RGS7: variants seen among roughly 807,000 people sequenced by gnomAD.
RGS7 encodes the protein regulator of G-protein signaling 7.
RGS7 carries 27 observed loss-of-function variants against 81.1 expected under a neutral mutation model. The ratio of observed to expected loss-of-function variants is 0.33; its 90% CI spans 0.25 to 0.46. The LOEUF is 0.46. Among genes scored for constraint, RGS7 ranks in the 20% least tolerant of loss-of-function variants. RGS7 has a pLI of 1.00. For missense variants in RGS7, 396 were observed against 607.4 expected (o/e 0.65, Z 3.66); for synonymous variants, 208 against 207.7 (o/e 1.00, Z -0.01).
intron 3 of RGS7, among the ~76,000 whole-genome samples, chr1:241,057,000 A>T (rs2061505294): frequency 6.6e-6 from 1 of 152,050 alleles, no homozygotes; most frequent in Non-Finnish European, 1.5e-5. Flanking sequence ...AGCTCTTGCC[A>T]ATATGTACAC....
chr1:241,267,697 C>A (rs1449251407), intron 2 of RGS7, among the ~76,000 whole-genome samples: 2 of 152,168 alleles, frequency 1.3e-5, no homozygotes, highest in African/African-American at 4.8e-5. Context: ...ACTCTCCAGG[C>A]AATTTCAACT....
intron 2 of RGS7, among the ~76,000 whole-genome samples, chr1:241,272,272 C>T (rs1176452138): frequency 2.0e-5 from 3 of 152,088 alleles, no homozygotes; most frequent in Admixed American, 6.5e-5. Flanking sequence ...GGATTACAGG[C>T]GTGAGCCACT....
chr1:241,034,297 CA>C (rs1172548125), intron 3 of RGS7, among the ~76,000 whole-genome samples: 1 of 152,174 alleles, frequency 6.6e-6, no homozygotes, highest in Admixed American at 6.5e-5. Context: ...TATATTTTCC[CA>C]AATGACTTTG....
intron 6 of RGS7, among the ~76,000 whole-genome samples, chr1:240,875,921 T>C (rs1432991007): frequency 6.6e-6 from 1 of 152,240 alleles, no homozygotes; most frequent in African/African-American, 2.4e-5. Flanking sequence ...CAGGGTGATC[T>C]AGCTTGCCAC....
intron 4 of RGS7, among the ~76,000 whole-genome samples, chr1:240,960,217 C>CT (rs750366747): frequency 6.7e-4 from 6 of 8,956 alleles, no homozygotes; most frequent in African/African-American, 2.3e-3. Flanking sequence ...TCTTCTTCTT[C>CT]TTTTTTTTTT....
At chr1:241,240,033 G>A (rs1490831612) in intron 2 of RGS7, among the ~76,000 whole-genome samples, 2 of 152,138 alleles carry the variant, frequency 1.3e-5, no homozygotes, top group Non-Finnish European at 2.9e-5. Context: ...TATAGAAACA[G>A]AGACTGTCAG....
At chr1:241,324,162 C>T (rs568190728) in intron 2 of RGS7, among the ~76,000 whole-genome samples, 6 of 152,136 alleles carry the variant, frequency 3.9e-5, no homozygotes, top group South Asian at 2.1e-4. Flanking sequence ...CTTTTCCACA[C>T]GGGCATAGTA....
chr1:240,889,076 C>T (rs769004287), intron 6 of RGS7, among the ~76,000 whole-genome samples: 1 of 152,118 alleles, frequency 6.6e-6, no homozygotes, highest in African/African-American at 2.4e-5. Flanking sequence ...CTTGCCTCAG[C>T]GTCCCAAGCA....
chr1:241,007,650 GT>G (rs1239913822), intron 3 of RGS7, among the ~76,000 whole-genome samples: 2 of 152,154 alleles, frequency 1.3e-5, no homozygotes, highest in Non-Finnish European at 2.9e-5. Context: ...ATGAGTATGT[GT>G]ATTCCTTATT....
At chr1:240,944,258 A>ATGTG (rs1678109650) in intron 4 of RGS7, among the ~76,000 whole-genome samples, 1 of 31,812 alleles carries the variant, frequency 3.1e-5, no homozygotes, top group African/African-American at 1.8e-4. Flanking sequence ...CTGTTATATT[A>ATGTG]TATGTGTGTG....
chr1:240,989,621 T>C (rs1467679969), intron 3 of RGS7, among the ~76,000 whole-genome samples: 1 of 151,934 alleles, frequency 6.6e-6, no homozygotes, highest in African/African-American at 2.4e-5. Flanking sequence ...CTCCCTACCC[T>C]CAAGAAAGAA....
intron 3 of RGS7, among the ~76,000 whole-genome samples, chr1:240,999,767 AT>A (rs35973386): frequency 2.0e-4 from 29 of 144,432 alleles, no homozygotes; most frequent in East Asian, 4.0e-4. Context: ...CGCTCGGCTA[AT>A]TTTTTTTTTT....
In RGS7 at chr1:241,327,135, AAAGAAAGAAAGG is replaced by A. The variant is rs1558321724; in HGVS notation, c.78+28552_78+28563del. Among the ~76,000 whole-genome samples the A allele has an allele frequency of 1.5e-3, 151 of 102,938 alleles. 12 individuals are homozygous for A. Among genetic ancestry groups the A allele is most frequent in the African/African-American group, 4.1e-3 (126 of 30,602 alleles). The allele number at this position is 102,938 out of a possible 152,430, so 67.5% of individuals were successfully genotyped here. A position where few individuals can be genotyped will look rare whatever the true frequency, so the allele number is the denominator to read the frequency against. ...GAAAGAAAGAAAGAAAGAAAGAAAG[AAAGAAAGAAAGG>A]AAAGAAAGAAAGAAAGAAACACACA... On this transcript the variant is annotated intron_variant, in intron 2 of 18. Transcript: ENST00000440928.
intron 2 of RGS7, among the ~76,000 whole-genome samples, chr1:241,254,198 CAAAAA>C (rs57205542): frequency 1.6e-5 from 1 of 64,358 alleles, no homozygotes; most frequent in African/African-American, 6.5e-5. Flanking sequence ...GACTCCATCT[CAAAAA>C]AAAAAAAAAA....
intron 3 of RGS7, among the ~76,000 whole-genome samples, chr1:241,020,125 T>A (rs543869560): frequency 5.8e-4 from 89 of 152,348 alleles, no homozygotes; most frequent in African/African-American, 2.1e-3. Context: ...GGGTATAAGA[T>A]GCCTTACCTA....
intron 2 of RGS7, among the ~76,000 whole-genome samples, chr1:241,118,523 C>A (rs764558358): frequency 2.0e-5 from 3 of 152,004 alleles, no homozygotes; most frequent in Non-Finnish European, 2.9e-5. Flanking sequence ...ATCATTTGAC[C>A]CTGCAATCCT....
chr1:241,192,971 G>A (rs751533968), intron 2 of RGS7, among the ~76,000 whole-genome samples: 29 of 152,120 alleles, frequency 1.9e-4, no homozygotes, highest in African/African-American at 2.4e-5. Context: ...AAGGTACAAA[G>A]GCATAGCCTC....
chr1:241,257,755 A>G (rs1276585013), intron 2 of RGS7, among the ~76,000 whole-genome samples: 1 of 152,208 alleles, frequency 6.6e-6, no homozygotes, highest in East Asian at 1.9e-4. Context: ...TGTGGTCTAC[A>G]TTGCCTCATA....
At chr1:241,342,920 G>A (rs775017289) in intron 2 of RGS7, among the ~76,000 whole-genome samples, 3 of 152,136 alleles carry the variant, frequency 2.0e-5, no homozygotes, top group Non-Finnish European at 4.4e-5. Flanking sequence ...TGGTGGAGAT[G>A]TCAAATGGTG....
Sources: gnomAD v4.1 joint callset for allele counts (sites outside exome capture counted in the v4.1 genomes callset) on GRCh38, gnomAD v4.1.1 for gene constraint, MANE v1.5 for transcripts, NCBI Gene and HGNC (gene_info 2026-07-23, HGNC 2026-07-21) for gene names.